USP9X: variants seen among roughly 807,000 people sequenced by gnomAD.
USP9X encodes ubiquitin specific peptidase 9 X-linked, also known as ubiquitin carboxyl-terminal hydrolase 9X.
A neutral mutation model predicts 190.3 loss-of-function variants in USP9X; 7 were observed. The observed-to-expected ratio is 0.04, with a 90% CI of 0.02 to 0.07. The LOEUF is 0.07. Among genes scored for constraint, USP9X ranks in the 10% least tolerant of loss-of-function variants. USP9X has a pLI of 1.00. For missense variants in USP9X, 1,010 were observed against 1,916.9 expected (o/e 0.53, Z 8.83); for synonymous variants, 645 against 659.5 (o/e 0.98, Z 0.34).
intron 1 of USP9X, among the ~76,000 whole-genome samples, chrX:41,103,344 A>C (rs929693332): frequency 8.9e-6 from 1 of 112,530 alleles, no homozygotes. Context: ...ACATTAGTAC[A>C]TGCATTTTTG....
intron 1 of USP9X, among the ~76,000 whole-genome samples, chrX:41,105,977 TTTATTA>T (rs1030701368): frequency 6.2e-5 from 7 of 112,234 alleles, no homozygotes; most frequent in Admixed American, 5.7e-4. Flanking sequence ...GAGTTGTCTT[TTTATTA>T]TTATTGAGTT....
chrX:41,140,130 A>G (rs1274629394), intron 6 of USP9X, among the ~76,000 whole-genome samples: 1 of 111,756 alleles, frequency 8.9e-6, no homozygotes, highest in Admixed American at 9.5e-5. Flanking sequence ...CAACCAGCAT[A>G]TTCTACTTAG....
At chrX:41,151,193 C>T in intron 13 of USP9X, 136 bp downstream of exon 13, 1 of 580,680 alleles carries the variant, frequency 1.7e-6, no homozygotes, top group East Asian at 4.0e-5. Context: ...GTGTTTGGAA[C>T]AAAAGAATTC....
At chrX:41,156,446 T>C (rs2062579718) in intron 14 of USP9X, among the ~76,000 whole-genome samples, 1 of 112,014 alleles carries the variant, frequency 8.9e-6, no homozygotes, top group African/African-American at 3.3e-5. Context: ...CAGGCAGTCA[T>C]GTCCAAGAAA....
At chrX:41,225,215 T>G in intron 41 of USP9X, 78 bp downstream of exon 41, 1 of 887,936 alleles carries the variant, frequency 1.1e-6, no homozygotes, top group Admixed American at 2.5e-5. Context: ...AGTCACCACA[T>G]TTTTTTTAAC....
At chrX:41,110,995 A>G (rs151118615) in intron 1 of USP9X, among the ~76,000 whole-genome samples, 11 of 111,558 alleles carry the variant, frequency 9.9e-5, no homozygotes, top group African/African-American at 3.6e-4. Context: ...TGAAAGAAGA[A>G]TGGAGGAGAT....
intron 21 of USP9X, among the ~76,000 whole-genome samples, chrX:41,177,256 G>A (rs2062783421): frequency 8.9e-6 from 1 of 112,346 alleles, no homozygotes. Context: ...TTATAACAAT[G>A]TTTTCTGGTT....
intron 38 of USP9X, among the ~76,000 whole-genome samples, chrX:41,219,702 T>C (rs1309834616): frequency 1.8e-5 from 2 of 112,310 alleles, no homozygotes; most frequent in Admixed American, 1.9e-4. Flanking sequence ...AATATTAATT[T>C]AGGGGCCGGG....
At chrX:41,124,029 C>T (rs1411264088) in intron 2 of USP9X, among the ~76,000 whole-genome samples, 1 of 110,480 alleles carries the variant, frequency 9.1e-6, no homozygotes, top group African/African-American at 3.3e-5. Flanking sequence ...GGTGACAGAG[C>T]GAGTCTCTGT....
intron 39 of USP9X, among the ~76,000 whole-genome samples, chrX:41,224,504 C>T (rs749034596): frequency 6.4e-5 from 7 of 109,447 alleles, no homozygotes; most frequent in African/African-American, 2.0e-4. Flanking sequence ...GGCGTGGTGA[C>T]GTGCACCTGT....
At chrX:41,165,697 GA>G (rs749161156) in intron 15 of USP9X, among the ~76,000 whole-genome samples, 174 bp from the exon 16 acceptor site, 133 of 111,352 alleles carry the variant, frequency 1.2e-3, no homozygotes, top group African/African-American at 4.1e-3. Flanking sequence ...ATCTAGTGGG[GA>G]TTTTTTTTTA....
chrX:41,224,485 A>T (rs2063295181), intron 39 of USP9X, among the ~76,000 whole-genome samples: 1 of 109,675 alleles, frequency 9.1e-6, no homozygotes. Flanking sequence ...AATACAAAAA[A>T]ATTAGCCAGG....
chrX:41,193,618 C>T (rs903339883), intron 26 of USP9X, among the ~76,000 whole-genome samples: 1 of 111,756 alleles, frequency 8.9e-6, no homozygotes, highest in African/African-American at 3.3e-5. Context: ...GAGCCCTGAT[C>T]GTGCCACTGC....
At chrX:41,225,221 T>G in intron 41 of USP9X, 84 bp downstream of exon 41, 1 of 908,037 alleles carries the variant, frequency 1.1e-6, no homozygotes, top group Non-Finnish European at 1.6e-6. Flanking sequence ...CACATTTTTT[T>G]TAACCTATTG....
chrX:41,106,474 C>G lies in USP9X; in HGVS notation c.-158-16997C>G, dbSNP rs2062069526. 3.0e-5 allele frequency among the ~76,000 whole-genome samples: 3 copies of G among 100,289 alleles called. No homozygotes were observed. The South Asian group carries it at 1.3e-3, about 44-fold the overall frequency. The allele number at this position is 100,289 out of a possible 115,157, so 87.1% of individuals were successfully genotyped here. ...CAGTGTTATTTCACTGAGTTTGTGT[C>G]TTGTCATGCTCCTCCGGTTGTCATA... On this transcript the variant is annotated intron_variant, in intron 1 of 44. Coordinates refer to ENST00000378308, the MANE Select transcript of USP9X (RefSeq NM_001039591.3).
At chrX:41,167,434 A>G (rs1286507619) in intron 16 of USP9X, 48 bp from the exon 17 acceptor site, 1 of 1,078,842 alleles carries the variant, frequency 9.3e-7, no homozygotes, top group East Asian at 3.1e-5. Flanking sequence ...AATGCCCAAC[A>G]AAAATATATG....
intron 1 of USP9X, among the ~76,000 whole-genome samples, chrX:41,111,369 G>C (rs1052806889): frequency 5.4e-5 from 6 of 112,075 alleles, no homozygotes; most frequent in African/African-American, 1.9e-4. Flanking sequence ...CTCCAGAACT[G>C]TTAAGTGTTA....
intron 6 of USP9X, among the ~76,000 whole-genome samples, chrX:41,140,258 A>G (rs7884862): frequency 0.035 from 3,967 of 112,360 alleles, 167 homozygotes; most frequent in African/African-American, 0.12. Context: ...AAGTAGATTC[A>G]AAATTCATTA....
chrX:41,222,145 T>C (rs1403358136), intron 38 of USP9X, among the ~76,000 whole-genome samples: 5 of 111,999 alleles, frequency 4.5e-5, no homozygotes, highest in Admixed American at 2.8e-4. Context: ...CAGTAAGTAA[T>C]TTGTCTTGAA....
Sources: gnomAD v4.1 joint callset for allele counts (sites outside exome capture counted in the v4.1 genomes callset) on GRCh38, gnomAD v4.1.1 for gene constraint, MANE v1.5 for transcripts, NCBI Gene and HGNC (gene_info 2026-07-23, HGNC 2026-07-21) for gene names.